The following SYT14 variants were observed in gnomAD, a reference collection of about 807,000 sequenced individuals.
SYT14 encodes the protein synaptotagmin 14.
A neutral mutation model predicts 74.2 loss-of-function variants in SYT14; 32 were observed. The observed-to-expected ratio is 0.43, with a 90% CI of 0.33 to 0.58. The LOEUF is 0.58. Ranked by LOEUF, SYT14 falls within the 20% of genes least tolerant of loss-of-function variation. The pLI is 0.05. For synonymous variants in SYT14, 298 were observed against 337.7 expected (o/e 0.88, Z 1.29); for missense variants, 791 against 981.8 (o/e 0.81, Z 2.60).
Position 210,158,000 on chromosome 1 carries a change from A to G in SYT14, c.2225-1421A>G, listed in dbSNP as rs193229529. On this transcript the variant is annotated intron_variant, in intron 8 of 9. Transcript: ENST00000637265. ...TAAATTCATATTTCTACCCTTGGAC[A>G]GTTGACCTCACTCCCCTAAGTCTGT... 1.9e-3 allele frequency among the ~76,000 whole-genome samples: 293 copies of G among 152,306 alleles called. 1 individual carries two copies. The highest frequency in any genetic ancestry group is 3.4e-3 in the Middle Eastern group (1 of 294).
At chr1:209,965,360 C>G (rs908127553) in intron 2 of SYT14, among the ~76,000 whole-genome samples, 2 of 152,206 alleles carry the variant, frequency 1.3e-5, no homozygotes, top group Non-Finnish European at 2.9e-5. Context: ...TGGCCTCCAA[C>G]TACATCTATA....
At chr1:209,952,572 T>C in intron 1 of SYT14, 137 bp from the exon 2 acceptor site, 1 of 672,198 alleles carries the variant, frequency 1.5e-6, no homozygotes, top group African/African-American at 1.8e-5. Context: ...AATATTCATT[T>C]AGTTAAGTAT....
At chr1:210,041,170 T>G (rs1247791995) in intron 5 of SYT14, among the ~76,000 whole-genome samples, 1 of 152,166 alleles carries the variant, frequency 6.6e-6, no homozygotes, top group African/African-American at 2.4e-5. Context: ...CCTCTGATGT[T>G]GGGAAAACAT....
exon 10 of SYT14, chr1:210,168,596 A>C (rs1352642935): frequency 6.6e-6 from 1 of 152,210 alleles, no homozygotes; most frequent in Non-Finnish European, 1.5e-5. Context: ...TATTGCTAGC[A>C]GTTCATATTA....
rs1240292483 is a variant in SYT14 at position 210,122,063 on chromosome 1, C to T, written c.2034+21602C>T. Among the ~76,000 whole-genome samples, 2 of 20,760 alleles carry T rather than the reference C, an allele frequency of 9.6e-5. 1 individual carries two copies. The highest frequency in any genetic ancestry group is 0.011 in the East Asian group (2 of 184). The allele number at this position is 20,760 out of a possible 152,430, so 13.6% of individuals were successfully genotyped here. ...TGGGATCTCGGCTCACTGCAAGCTC[C>T]GCCTCCCGGGTTCACGCCATTCTCC... is the stretch of plus-strand genomic sequence containing the variant. On this transcript the variant is annotated intron_variant, in intron 7 of 9. Coordinates refer to ENST00000637265, the Ensembl canonical transcript of SYT14.
chr1:210,099,568 C>T (rs879413041), intron 6 of SYT14, among the ~76,000 whole-genome samples: 1 of 151,958 alleles, frequency 6.6e-6, no homozygotes, highest in African/African-American at 2.4e-5. Context: ...TCTCTGAAAA[C>T]GGAACCAAAT....
exon 10 of SYT14, chr1:210,165,376 G>A (rs74759535): frequency 6.6e-6 from 1 of 152,146 alleles, no homozygotes; most frequent in Admixed American, 6.5e-5. Context: ...GACACAAGTG[G>A]TGGTACTTTT....
intron 7 of SYT14, among the ~76,000 whole-genome samples, chr1:210,137,925 C>T (rs894369745): frequency 1.3e-5 from 2 of 152,106 alleles, no homozygotes; most frequent in African/African-American, 2.4e-5. Flanking sequence ...GTGATCCACC[C>T]GCCTCAGCCT....
intron 5 of SYT14, among the ~76,000 whole-genome samples, chr1:210,082,978 C>CTTTTTTTTTTTTTT (rs898221466): frequency 6.9e-6 from 1 of 144,872 alleles, no homozygotes. Context: ...TGGGTTATTT[C>CTTTTTTTTTTTTTT]TTTTTTTTTT....
At chr1:210,138,788 C>T (rs73074135) in intron 7 of SYT14, among the ~76,000 whole-genome samples, 4 of 152,224 alleles carry the variant, frequency 2.6e-5, no homozygotes, top group African/African-American at 7.2e-5. Flanking sequence ...TGTTCCCTAA[C>T]TTTATCTTTC....
chr1:210,010,143 A>G (rs569706404), intron 2 of SYT14, among the ~76,000 whole-genome samples: 47 of 152,268 alleles, frequency 3.1e-4, no homozygotes, highest in African/African-American at 1.0e-3. Flanking sequence ...GTTTTAACCA[A>G]TATAGTTCTA....
chr1:209,973,134 A>G (rs952766923), intron 2 of SYT14, among the ~76,000 whole-genome samples: 3 of 147,604 alleles, frequency 2.0e-5, no homozygotes, highest in Non-Finnish European at 3.0e-5. Flanking sequence ...GGTTTAAAGT[A>G]TGTTTCATCT....
intron 7 of SYT14, among the ~76,000 whole-genome samples, chr1:210,136,139 G>A (rs950800727): frequency 9.9e-5 from 15 of 152,278 alleles, no homozygotes; most frequent in African/African-American, 3.6e-4. Flanking sequence ...TGGAGAAATT[G>A]GTCTGAAATA....
chr1:209,975,033 G>A (rs1186209774), intron 2 of SYT14, among the ~76,000 whole-genome samples: 1 of 152,160 alleles, frequency 6.6e-6, no homozygotes, highest in Non-Finnish European at 1.5e-5. Flanking sequence ...TGGTGTATAA[G>A]AATGCTTGTG....
chr1:210,021,549 C>T (rs1282487953), intron 5 of SYT14, among the ~76,000 whole-genome samples: 1 of 152,184 alleles, frequency 6.6e-6, no homozygotes, highest in Non-Finnish European at 1.5e-5. Flanking sequence ...TGTGAATCTG[C>T]TGTTCTCTCA....
At chr1:210,148,566 G>A (rs191934272) in intron 7 of SYT14, among the ~76,000 whole-genome samples, 2 of 149,832 alleles carry the variant, frequency 1.3e-5, no homozygotes, top group East Asian at 3.9e-4. Flanking sequence ...AATTATAAGA[G>A]AATGACTCTA....
At chr1:210,082,901 T>C (rs990434446) in intron 5 of SYT14, among the ~76,000 whole-genome samples, 6 of 152,204 alleles carry the variant, frequency 3.9e-5, no homozygotes, top group Non-Finnish European at 7.3e-5. Context: ...ACTAGAGAAA[T>C]AGATGTACTG....
intron 1 of SYT14, among the ~76,000 whole-genome samples, chr1:209,941,550 C>T (rs2078730456): frequency 6.6e-6 from 1 of 152,196 alleles, no homozygotes; most frequent in African/African-American, 2.4e-5. Context: ...TTCCTCCTCT[C>T]TTGATTACAT....
At chr1:210,024,740 A>C (rs2102968209) in intron 5 of SYT14, among the ~76,000 whole-genome samples, 1 of 152,350 alleles carries the variant, frequency 6.6e-6, no homozygotes, top group Admixed American at 6.5e-5. Context: ...AGAAAAGATC[A>C]GAGAATCATT....
Sources: gnomAD v4.1 joint callset for allele counts (sites outside exome capture counted in the v4.1 genomes callset) on GRCh38, gnomAD v4.1.1 for gene constraint, MANE v1.5 for transcripts, NCBI Gene and HGNC (gene_info 2026-07-23, HGNC 2026-07-21) for gene names.